The following LOC400499 variants were observed in gnomAD, a reference collection of about 807,000 sequenced individuals.
the LOC400499 span, chr16:11,440,804 T>A: frequency 2.5e-6 from 1 of 399,062 alleles, no homozygotes; most frequent in Non-Finnish European, 4.4e-6. Flanking sequence ...TGTCTAAAGA[T>A]GATGCCCCCA....
chr16:11,438,401 C>G, the LOC400499 span, among the ~76,000 whole-genome samples: 1 of 152,036 alleles, frequency 6.6e-6, no homozygotes, highest in Admixed American at 6.5e-5. Context: ...CAGTTCCCTC[C>G]ATTCAGAGCC....
At chr16:11,394,795 G>A in the LOC400499 span, among the ~76,000 whole-genome samples, 3 of 152,192 alleles carry the variant, frequency 2.0e-5, no homozygotes, top group Non-Finnish European at 4.4e-5. Context: ...GCAACCACCA[G>A]AAGCTGGAGG....
At chr16:11,427,359 A>G in the LOC400499 span, among the ~76,000 whole-genome samples, 1 of 146,470 alleles carries the variant, frequency 6.8e-6, no homozygotes, top group African/African-American at 2.6e-5. Flanking sequence ...ACAAAAAAAA[A>G]AAAAAAAAAA....
chr16:11,513,252 A>C, the LOC400499 span, among the ~76,000 whole-genome samples: 28 of 151,242 alleles, frequency 1.9e-4, no homozygotes, highest in South Asian at 8.4e-4. Context: ...ACAACAACAA[A>C]AAATTAGCCA....
the LOC400499 span, among the ~76,000 whole-genome samples, chr16:11,498,166 G>C: frequency 6.6e-6 from 1 of 152,152 alleles, no homozygotes; most frequent in Non-Finnish European, 1.5e-5. Flanking sequence ...CCAACATGAA[G>C]AACTTTTGTT....
the LOC400499 span, among the ~76,000 whole-genome samples, chr16:11,388,958 A>G: frequency 6.6e-6 from 1 of 152,302 alleles, no homozygotes; most frequent in South Asian, 2.1e-4. Context: ...TTGGTGGCAC[A>G]TGCTTGTAAT....
chr16:11,467,300 G>GT, the LOC400499 span: 2 of 117,596 alleles, frequency 1.7e-5, no homozygotes, highest in African/African-American at 5.7e-5. Context: ...TCCTCACAGA[G>GT]TTAAAAAAAA....
the LOC400499 span, among the ~76,000 whole-genome samples, chr16:11,481,525 G>A: frequency 1.3e-5 from 2 of 152,204 alleles, no homozygotes; most frequent in African/African-American, 4.8e-5. Context: ...GTTTCACCAT[G>A]ATGGCCAGGC....
At chr16:11,401,565 A>G in the LOC400499 span, among the ~76,000 whole-genome samples, 1 of 151,976 alleles carries the variant, frequency 6.6e-6, no homozygotes, top group Admixed American at 6.5e-5. Flanking sequence ...CGGAGAGCTC[A>G]GTCCATTTCA....
the LOC400499 span, among the ~76,000 whole-genome samples, chr16:11,423,654 C>T: frequency 6.6e-6 from 1 of 152,258 alleles, no homozygotes; most frequent in Non-Finnish European, 1.5e-5. Context: ...CCACCATGGA[C>T]GGTTTAGCCA....
the LOC400499 span, among the ~76,000 whole-genome samples, chr16:11,434,339 T>C: frequency 6.6e-6 from 1 of 152,134 alleles, no homozygotes; most frequent in Non-Finnish European, 1.5e-5. Flanking sequence ...CTGAGCAACA[T>C]AGCAAGACCC....
At chr16:11,449,197 A>G in the LOC400499 span, 2,299 of 1,162,350 alleles carry the variant, frequency 2.0e-3, 44 homozygotes, top group African/African-American at 0.031. Context: ...TGCTTGGTGA[A>G]CTCCTCTTCA....
the LOC400499 span, among the ~76,000 whole-genome samples, chr16:11,408,324 G>T: frequency 0.14 from 21,075 of 151,984 alleles, 1,931 homozygotes; most frequent in Non-Finnish European, 0.21. Flanking sequence ...GCGTCATTTC[G>T]TTAGTGATAC....
chr16:11,402,023 G>A, the LOC400499 span: 1 of 399,126 alleles, frequency 2.5e-6, no homozygotes, highest in East Asian at 3.6e-5. Context: ...TCACCTTCCG[G>A]CCCTGACACT....
At chr16:11,401,998 A>G in the LOC400499 span, 337,586 of 399,016 alleles carry the variant, frequency 0.85, 143,985 homozygotes, top group Admixed American at 0.89. Flanking sequence ...GGTGGAGTTC[A>G]GCTCTGCCCC....
chr16:11,419,025 G>A, the LOC400499 span, among the ~76,000 whole-genome samples: 3 of 152,242 alleles, frequency 2.0e-5, no homozygotes, highest in Admixed American at 6.5e-5. Context: ...AATTAGCCAG[G>A]CATAGTAGTG....
the LOC400499 span, among the ~76,000 whole-genome samples, chr16:11,376,739 G>A: frequency 1.3e-5 from 2 of 152,080 alleles, no homozygotes; most frequent in African/African-American, 4.8e-5. Flanking sequence ...AATGCCACTG[G>A]GATTTTGATA....
chr16:11,431,146 C>T, the LOC400499 span: 20 of 399,068 alleles, frequency 5.0e-5, no homozygotes, highest in Admixed American at 2.2e-4. Context: ...AGTCAGGATC[C>T]GGCCTCCCCT....
chr16:11,476,873 T>C, the LOC400499 span: 1 of 399,696 alleles, frequency 2.5e-6, no homozygotes, highest in Non-Finnish European at 4.4e-6. Context: ...CTGCGGACGC[T>C]GGTCACCCAC....
Sources: allele counts gnomAD v4.1 joint callset (sites outside exome capture counted in the v4.1 genomes callset), GRCh38; gene constraint gnomAD v4.1.1; transcripts MANE v1.5.